The following IL21 variants were observed in gnomAD, a reference collection of about 807,000 sequenced individuals.
IL21 encodes interleukin 21.
A neutral mutation model predicts 18.4 loss-of-function variants in IL21; 3 were observed. That is an observed-to-expected ratio of 0.16 (90% CI 0.07 to 0.42). The LOEUF is 0.42. Ranked by LOEUF, IL21 falls within the 10% of genes least tolerant of loss-of-function variation. The probability of loss-of-function intolerance (pLI) is 0.99; values close to 1 mark genes in which losing one functional copy is unlikely to be tolerated. For synonymous variants in IL21, 37 were observed against 62.0 expected, an observed-to-expected ratio of 0.60 and a Z score of 1.90; for missense variants, 130 against 188.4, an observed-to-expected ratio of 0.69 and a Z score of 1.81.
chr4:122,615,686 C>T lies in IL21; in HGVS notation c.356G>A (p.Arg119Lys), dbSNP rs1233129508. The change falls in exon 3 of 5, where the codon AGA (arginine) becomes AAA (lysine). Residue 119 changes from arginine to lysine, a missense_variant. Transcript: ENST00000648588. ...GATGACAAATGACAATCTTACTAGT[C>T]TGTGTTTCTGTCTTCTCCCTGCATT... is the stretch of plus-strand genomic sequence containing the variant. The part of the protein sequence containing the change: ...STNAGRRQKH[R>K]LTCPSCDSYE... 1.2e-6 allele frequency: 2 copies of T among 1,610,578 alleles called. No individual in the cohort carries two copies. Among genetic ancestry groups the T allele is most frequent in the Non-Finnish European group, 1.7e-6 (2 of 1,178,790 alleles).
At chr4:122,618,963 G>A (rs1026366461) in intron 2 of IL21, 3 of 151,900 alleles carry the variant, frequency 2.0e-5, no homozygotes, top group Non-Finnish European at 4.4e-5. Context: ...TTAGTACCTG[G>A]CTTCTACCTA....
intron 2 of IL21, among the ~76,000 whole-genome samples, chr4:122,618,589 G>C (rs556647531): frequency 6.6e-6 from 1 of 151,968 alleles, no homozygotes; most frequent in Non-Finnish European, 1.5e-5. Context: ...GGTGGATCAC[G>C]GGGTCAAGAG....
At chr4:122,616,287 A>G (rs1167341745) in intron 2 of IL21, among the ~76,000 whole-genome samples, 1 of 152,202 alleles carries the variant, frequency 6.6e-6, no homozygotes, top group Non-Finnish European at 1.5e-5. Context: ...CTATCATGAC[A>G]TGTCTTGAGC....
At chr4:122,618,561 C>T (rs1380318498) in intron 2 of IL21, among the ~76,000 whole-genome samples, 1 of 152,078 alleles carries the variant, frequency 6.6e-6, no homozygotes, top group Non-Finnish European at 1.5e-5. Context: ...CATCCCAGCA[C>T]TTTGGGAGGC....
rs1376918505 is a variant in IL21 at position 122,621,034 on chromosome 4, C to T, written c.-23G>A. The T allele has an allele frequency of 6.2e-7, 1 of 1,604,262 alleles. No homozygotes were observed. The highest frequency in any genetic ancestry group is 8.5e-7 in the Non-Finnish European group (1 of 1,174,180). On this transcript the variant is annotated 5_prime_UTR_variant, in exon 1 of 5. Coordinates refer to ENST00000648588, the MANE Select transcript of IL21 (RefSeq NM_021803.4). ...CATAAGTACCAACAGTAGAGCTAGACCTTGGTCTCGTTTTCACTTCAGCTT... is the reference window on the plus strand; with the variant it reads ...CATAAGTACCAACAGTAGAGCTAGATCTTGGTCTCGTTTTCACTTCAGCTT...
At chr4:122,618,477 C>T (rs574227309) in intron 2 of IL21, among the ~76,000 whole-genome samples, 29 of 152,180 alleles carry the variant, frequency 1.9e-4, no homozygotes, top group East Asian at 1.7e-3. Flanking sequence ...AAGCCCTGGC[C>T]ATTCACACTA....
At chr4:122,617,015 C>T (rs1799346332) in intron 2 of IL21, among the ~76,000 whole-genome samples, 1 of 152,158 alleles carries the variant, frequency 6.6e-6, no homozygotes, top group South Asian at 2.1e-4. Context: ...CTGAACACAG[C>T]ATCTGGCCTG....
At chr4:122,616,225 T>G (rs1799335907) in intron 2 of IL21, among the ~76,000 whole-genome samples, 1 of 151,830 alleles carries the variant, frequency 6.6e-6, no homozygotes, top group Admixed American at 6.5e-5. Flanking sequence ...TAAATTATGT[T>G]ATAGTCTGAT....
chr4:122,620,634 G>A (rs1799413291), intron 2 of IL21, 67 bp downstream of exon 2: 5 of 1,325,264 alleles, frequency 3.8e-6, no homozygotes, highest in African/African-American at 1.5e-5. Flanking sequence ...TCATGCTAAT[G>A]TCTTTCTTAT....
Position 122,615,721 on chromosome 4 carries a change from T to C in IL21, c.321A>G (p.Pro107=), listed in dbSNP as rs201703387. The C allele has an allele frequency of 3.7e-6, 6 of 1,613,676 alleles. No homozygotes were observed. The African/African-American group carries it at 4.0e-5, about 11-fold the overall frequency. Residue 107 remains proline (P), a synonymous_variant, in exon 3 of 5, where the codon CCA becomes CCG. Coordinates refer to ENST00000648588, the MANE Select transcript of IL21 (RefSeq NM_021803.4). ...GTCTTCTCCCTGCATTTGTGGAAGGTGGTTTCCTCTTCAGCTTTTTAATTG... is the reference window on the plus strand; with the variant it reads ...GTCTTCTCCCTGCATTTGTGGAAGGCGGTTTCCTCTTCAGCTTTTTAATTG... The part of the protein sequence containing the change: ...NVSIKKLKRK[P]PSTNAGRRQK...
At chr4:122,617,743 G>C (rs1026751340) in intron 2 of IL21, among the ~76,000 whole-genome samples, 2 of 152,144 alleles carry the variant, frequency 1.3e-5, no homozygotes, top group Non-Finnish European at 2.9e-5. Flanking sequence ...CAGACAATGG[G>C]GTTTTGTTTT....
chr4:122,615,615 T>G, intron 3 of IL21, 67 bp downstream of exon 3: 3 of 1,424,704 alleles, frequency 2.1e-6, no homozygotes, highest in Non-Finnish European at 2.9e-6. Context: ...TGTGTGTGTA[T>G]GTTTATGTAA....
rs1257612441 is a variant in IL21 at position 122,611,329 on chromosome 4, G to A, written c.*1381C>T. Reference sequence around the variant, plus strand: ...TGCTGATGATAAAACATTTCATTGAGATTTGATTAAATAATTCTCAATATA... The same window carrying A: ...TGCTGATGATAAAACATTTCATTGAAATTTGATTAAATAATTCTCAATATA... On this transcript the variant is annotated 3_prime_UTR_variant, in exon 5 of 5. Coordinates refer to ENST00000648588, the MANE Select transcript of IL21 (RefSeq NM_021803.4). 6.6e-6 allele frequency among the ~76,000 whole-genome samples: 1 copy of A among 151,772 alleles called. No individual in the cohort carries two copies. Among genetic ancestry groups the A allele is most frequent in the African/African-American group, 2.4e-5 (1 of 41,294 alleles).
intron 2 of IL21, among the ~76,000 whole-genome samples, chr4:122,619,766 G>C (rs1799397126): frequency 6.6e-6 from 1 of 152,210 alleles, no homozygotes. Flanking sequence ...GAATTTTAGA[G>C]AAAAGCAATA....
chr4:122,619,634 G>C (rs1679671743), intron 2 of IL21: 1 of 152,190 alleles, frequency 6.6e-6, no homozygotes, highest in African/African-American at 2.4e-5. Flanking sequence ...CATTGATTAA[G>C]AAGTATTTTC....
intron 3 of IL21, among the ~76,000 whole-genome samples, chr4:122,615,469 G>A (rs1324444213): frequency 2.6e-5 from 4 of 151,744 alleles, no homozygotes; most frequent in Non-Finnish European, 5.9e-5. Flanking sequence ...TGGATCTTGC[G>A]GTGAGCAGAG....
chr4:122,611,430 C>T lies in IL21; in HGVS notation c.*1280G>A, dbSNP rs1281232108. ...TCTTCTCAGAGCATAAAGCATTTCTCATCCCACATCCTCTTGCATAATCAC... is the reference window on the plus strand; with the variant it reads ...TCTTCTCAGAGCATAAAGCATTTCTTATCCCACATCCTCTTGCATAATCAC... On this transcript the variant is annotated 3_prime_UTR_variant, in exon 5 of 5. Transcript: ENST00000648588. Among the ~76,000 whole-genome samples, 1 of 152,182 alleles carries T rather than the reference C, an allele frequency of 6.6e-6. No individual in the cohort carries two copies. Among genetic ancestry groups the T allele is most frequent in the Non-Finnish European group, 1.5e-5 (1 of 68,006 alleles).
intron 3 of IL21, among the ~76,000 whole-genome samples, chr4:122,613,805 G>C (rs923043043): frequency 3.9e-5 from 6 of 152,026 alleles, no homozygotes; most frequent in East Asian, 1.9e-4. Flanking sequence ...CATTATAAAG[G>C]GTTTTACCTC....
At chr4:122,620,817 A>AT (rs1417827832) in intron 1 of IL21, 27 bp downstream of exon 1, 1 of 1,612,866 alleles carries the variant, frequency 6.2e-7, no homozygotes. Flanking sequence ...TATGATTTAG[A>AT]TTTTGTTGTG....
Sources: gnomAD v4.1 joint callset for allele counts (sites outside exome capture counted in the v4.1 genomes callset) on GRCh38, gnomAD v4.1.1 for gene constraint, MANE v1.5 for transcripts, NCBI Gene and HGNC (gene_info 2026-07-23, HGNC 2026-07-21) for gene names.